FBLN5: variants seen among roughly 807,000 people sequenced by gnomAD.
FBLN5 encodes fibulin 5, also known as fibulin-5.
Under a neutral mutation model 61.6 loss-of-function variants are expected in FBLN5, and 24 were observed. The ratio of observed to expected loss-of-function variants is 0.39; its 90% confidence interval spans 0.28 to 0.55. The LOEUF (loss-of-function observed/expected upper bound fraction) is 0.55. Ranked by LOEUF, FBLN5 falls within the 20% of genes least tolerant of loss-of-function variation. FBLN5 has a pLI of 0.65. For missense variants in FBLN5, 470 were observed against 594.1 expected (o/e 0.79, Z 2.17); for synonymous variants, 213 against 219.8 (o/e 0.97, Z 0.27).
rs941119284 is a variant in FBLN5, at chr14:91,877,741, C to G, written c.990-59G>C. The stretch of plus-strand genomic sequence containing the variant: ...AATCCATTCCAGGTGCTGGCTGTGC[C>G]TACTTCCTCTCTTAAAACACTGAAA... On this transcript the variant is annotated intron_variant, in intron 9 of 10. Coordinates refer to ENST00000342058, the MANE Select transcript of FBLN5 (RefSeq NM_006329.4). The G allele has an allele frequency of 2.2e-6, 3 of 1,364,718 alleles. No individual in the cohort carries two copies. In the Admixed American group the frequency reaches 5.0e-5, roughly 23 times the overall value. 84.5% of individuals were successfully genotyped at this position (1,364,718 alleles called of 1,614,324 possible).
chr14:91,916,707 T>C (rs1891211519), intron 4 of FBLN5, among the ~76,000 whole-genome samples: 1 of 152,098 alleles, frequency 6.6e-6, no homozygotes, highest in South Asian at 2.1e-4. Flanking sequence ...CATCCTTTAG[T>C]GAGTGAGTGC....
intron 4 of FBLN5, among the ~76,000 whole-genome samples, chr14:91,897,990 T>C (rs1446263789): frequency 1.3e-5 from 2 of 152,168 alleles, no homozygotes; most frequent in African/African-American, 4.8e-5. Flanking sequence ...GTTGAGCCTA[T>C]GGTGAGCCAA....
chr14:91,886,933 C>G (rs1889752801), intron 7 of FBLN5, among the ~76,000 whole-genome samples: 1 of 152,174 alleles, frequency 6.6e-6, no homozygotes, highest in South Asian at 2.1e-4. Flanking sequence ...CCTCTTCAAC[C>G]CCACCTCTGT....
At chr14:91,917,575 C>CAAAAAAAAAAAA (rs34458933) in intron 4 of FBLN5, among the ~76,000 whole-genome samples, 3 of 63,472 alleles carry the variant, frequency 4.7e-5, no homozygotes, top group Non-Finnish European at 8.0e-5. Context: ...GACTCCATCT[C>CAAAAAAAAAAAA]AAAAAAAAAA....
At chr14:91,940,754 T>C (rs2056092600) in intron 2 of FBLN5, 138 bp from the exon 3 acceptor site, 1 of 724,566 alleles carries the variant, frequency 1.4e-6, no homozygotes, top group African/African-American at 1.8e-5. Flanking sequence ...ATAACCCCTA[T>C]TTGTTCTTCT....
chr14:91,938,102 G>C (rs754476818), intron 3 of FBLN5, among the ~76,000 whole-genome samples: 44 of 152,206 alleles, frequency 2.9e-4, no homozygotes, highest in Non-Finnish European at 8.8e-5. Flanking sequence ...CCTAACAATT[G>C]TCTCCACTTC....
rs866923432 is a variant in FBLN5, at chr14:91,881,475, C to T, written c.863-57G>A. On this transcript the variant is annotated intron_variant, in intron 8 of 10. Transcript: ENST00000342058. ...AGGGCATTATTGGCCAGGCCAGACG[C>T]GTGGGGGTGGGGTAGGCTGGATCTT... 7.5e-6 allele frequency: 12 copies of T among 1,605,812 alleles called. No individual in the cohort carries two copies. The South Asian group carries it at 7.7e-5, about 10-fold the overall frequency.
chr14:91,877,804 C>G (rs1889242262), intron 9 of FBLN5, 122 bp from the exon 10 acceptor site: 2 of 764,548 alleles, frequency 2.6e-6, no homozygotes, highest in Admixed American at 2.0e-5. Flanking sequence ...AATGCCATAA[C>G]TGTAGAATGT....
rs1467537031 is a variant in FBLN5, at chr14:91,926,683, G to A, written c.379+10264C>T. Among the ~76,000 whole-genome samples the A allele has an allele frequency of 2.6e-5, 4 of 152,064 alleles. 1 individual carries two copies. Among genetic ancestry groups the A allele is most frequent in the South Asian group, 4.2e-4 (2 of 4,816 alleles). On this transcript the variant is annotated intron_variant, in intron 4 of 10. Transcript: ENST00000342058. The stretch of plus-strand genomic sequence containing the variant: ...TAAGCAGCCAACAAGCACCTGCCAC[G>A]TGTCTGACCCTATGACTGGCAGGGA...
At chr14:91,916,131 G>A (rs1396365005) in intron 4 of FBLN5, among the ~76,000 whole-genome samples, 2 of 152,146 alleles carry the variant, frequency 1.3e-5, no homozygotes. Flanking sequence ...CCTAAGGGCA[G>A]GATAACAAAG....
At chr14:91,900,773 TGCCAGCCTGACTGCCTGG>T (rs1890417443) in intron 4 of FBLN5, among the ~76,000 whole-genome samples, 8 of 152,096 alleles carry the variant, frequency 5.3e-5, no homozygotes, top group Admixed American at 5.2e-4. Context: ...GGAGCACAGG[TGCCAGCCTGACTGCCTGG>T]CACATAGCTC....
chr14:91,887,844 G>A (rs150479677), intron 6 of FBLN5, among the ~76,000 whole-genome samples: 1 of 152,340 alleles, frequency 6.6e-6, no homozygotes, highest in African/African-American at 2.4e-5. Flanking sequence ...TAGAGGTTAA[G>A]TAGGTTAAGG....
chr14:91,895,443 C>T (rs1371807167), intron 4 of FBLN5, among the ~76,000 whole-genome samples: 2 of 152,174 alleles, frequency 1.3e-5, no homozygotes, highest in Non-Finnish European at 2.9e-5. Context: ...CAGGGGTCTG[C>T]TGCGTACCTA....
chr14:91,887,406 A>G, intron 6 of FBLN5, 94 bp from the exon 7 acceptor site: 1 of 1,268,470 alleles, frequency 7.9e-7, no homozygotes, highest in Non-Finnish European at 1.1e-6. Flanking sequence ...ATCTACCACC[A>G]CCAGGAGACC....
intron 4 of FBLN5, among the ~76,000 whole-genome samples, chr14:91,913,691 T>C (rs1891059724): frequency 6.6e-6 from 1 of 152,228 alleles, no homozygotes; most frequent in Admixed American, 6.5e-5. Context: ...TTCAATTATA[T>C]CAGCAAATAC....
Position 91,947,281 on chromosome 14 carries a change from G to C in FBLN5, c.-52C>G, listed in dbSNP as rs373314585. Reference sequence around the variant, plus strand: ...GAAGGCGAGAAGAAAGCTCGCGGGCGGGACCCCCGGAGGAGCTCGGGCACG... The same window carrying C: ...GAAGGCGAGAAGAAAGCTCGCGGGCCGGACCCCCGGAGGAGCTCGGGCACG... On this transcript the variant is annotated 5_prime_UTR_variant, in exon 1 of 11. Coordinates refer to ENST00000342058, the MANE Select transcript of FBLN5 (RefSeq NM_006329.4). The surrounding 1 kb of genome is among the most constrained non-coding windows in gnomAD (Gnocchi z 4.3). The C allele has an allele frequency of 3.1e-6, 5 of 1,613,252 alleles. No individual in the cohort carries two copies. Among genetic ancestry groups the C allele is most frequent in the Non-Finnish European group, 4.2e-6 (5 of 1,179,376 alleles).
At chr14:91,924,716 G>A (rs2055797608) in intron 4 of FBLN5, among the ~76,000 whole-genome samples, 1 of 152,114 alleles carries the variant, frequency 6.6e-6, no homozygotes, top group South Asian at 2.1e-4. Context: ...TGGGTGGAGA[G>A]ATGTTAAATA....
chr14:91,900,320 C>T (rs1890401216), intron 4 of FBLN5, among the ~76,000 whole-genome samples: 1 of 152,128 alleles, frequency 6.6e-6, no homozygotes, highest in African/African-American at 2.4e-5. Flanking sequence ...AAATAACATG[C>T]ATATGTATGA....
chr14:91,871,367 C>T (rs1175045000), intron 10 of FBLN5, among the ~76,000 whole-genome samples: 4 of 152,118 alleles, frequency 2.6e-5, no homozygotes, highest in Admixed American at 2.0e-4. Context: ...CCCCTCTAGG[C>T]ACCCTAGAGT....
Sources: gnomAD v4.1 joint callset for allele counts (sites outside exome capture counted in the v4.1 genomes callset) on GRCh38, gnomAD v4.1.1 for gene constraint, Gnocchi (gnomAD v3.1) non-coding constraint, MANE v1.5 for transcripts, NCBI Gene and HGNC (gene_info 2026-07-23, HGNC 2026-07-21) for gene names.